N4BP2: variants seen among roughly 807,000 people sequenced by gnomAD.
The protein encoded by N4BP2 is NEDD4 binding protein 2.
Under a neutral mutation model 152.8 loss-of-function variants are expected in N4BP2, and 91 were observed. The observed-to-expected ratio is 0.60, with a 90% CI of 0.50 to 0.71. N4BP2 has a LOEUF of 0.71. Among genes scored for constraint, N4BP2 ranks in the 30% least tolerant of loss-of-function variants. The probability of loss-of-function intolerance (pLI) is 0.00; values close to 1 mark genes in which losing one functional copy is unlikely to be tolerated. For missense variants in N4BP2, 1,923 were observed against 2,059.1 expected, an observed-to-expected ratio of 0.93 and a Z score of 1.28; for synonymous variants, 646 against 705.3, an observed-to-expected ratio of 0.92 and a Z score of 1.33.
In N4BP2 at chr4:40,063,989, G is replaced by T. The variant is rs556668182; in HGVS notation, c.-212+6959G>T. On this transcript the variant is annotated intron_variant, in intron 1 of 17. Coordinates refer to ENST00000261435, the MANE Select transcript of N4BP2 (RefSeq NM_018177.6). ...AGAGATTGGTGGGGCGGCAGGGGGG[G>T]GTCTCACTATGTTGCCTAGGCTGGT... 2.6e-4 allele frequency among the ~76,000 whole-genome samples: 39 copies of T among 151,598 alleles called. No homozygotes were observed. In the South Asian group the frequency reaches 6.3e-3, roughly 24 times the overall value.
intron 13 of N4BP2, among the ~76,000 whole-genome samples, chr4:40,132,845 T>C (rs957864451): frequency 2.6e-5 from 4 of 152,044 alleles, no homozygotes; most frequent in African/African-American, 9.7e-5. Context: ...TTTTTTTTTT[T>C]TCCTTTAATG....
the N4BP2 span, among the ~76,000 whole-genome samples, chr4:40,177,650 G>A: frequency 1.3e-4 from 20 of 152,020 alleles, no homozygotes; most frequent in Admixed American, 9.2e-4. Context: ...AAAAAATAAA[G>A]ACTTCTACCT....
rs767302466 is a variant in N4BP2, at chr4:40,120,503, G to C, written c.2392G>C (p.Gly798Arg). ...TGACTGGCCAGTTGATAAGACTATT[G>C]GTCAGAGGACAAAAAGGAACAGAAA... is the stretch of plus-strand genomic sequence containing the variant. ...VGDWPVDKTI[G>R]QRTKRNRKTE... Residue 798 changes from glycine (G) to arginine (R), a missense_variant, in exon 9 of 18, where the codon GGT becomes CGT. Transcript: ENST00000261435. 3.1e-6 allele frequency: 5 copies of C among 1,613,412 alleles called. No homozygotes were observed. The African/African-American group carries it at 6.7e-5, about 22-fold the overall frequency.
At chr4:40,119,805 T>G (rs1027353348) in intron 8 of N4BP2, 127 bp from the exon 9 acceptor site, 2 of 487,632 alleles carry the variant, frequency 4.1e-6, no homozygotes, top group African/African-American at 3.9e-5. Context: ...ATAATTTTAA[T>G]GTAATTTATT....
At chr4:40,133,108 G>A (rs1719044296) in intron 13 of N4BP2, among the ~76,000 whole-genome samples, 2 of 151,642 alleles carry the variant, frequency 1.3e-5, no homozygotes, top group South Asian at 4.2e-4. Context: ...TTGGTTTATT[G>A]GTCAAAGTCT....
chr4:40,112,097 T>C lies in N4BP2; in HGVS notation c.1512T>C (p.Phe504=), dbSNP rs765420597. 6.6e-7 allele frequency: 1 copy of C among 1,519,944 alleles called. No homozygotes were observed. The highest frequency in any genetic ancestry group is 2.0e-5 in the Admixed American group (1 of 50,760). The allele number at this position is 1,519,944 out of a possible 1,614,324, so 94.2% of individuals were successfully genotyped here. The part of the protein sequence containing the change: ...EWNQNRAKEA[F]EKKISPIIID... Reference sequence around the variant, plus strand: ...TATGTTTTTCAGCAAAAGAAGCATTTGAGAAGAAGATATCTCCTATAATTA... The same window carrying C: ...TATGTTTTTCAGCAAAAGAAGCATTCGAGAAGAAGATATCTCCTATAATTA... Residue 504 remains phenylalanine (F), a synonymous_variant, in exon 6 of 18, where the codon TTT becomes TTC. Transcript: ENST00000261435.
chr4:40,142,990 TA>T (rs1180847196), intron 15 of N4BP2, 129 bp downstream of exon 15: 5 of 707,114 alleles, frequency 7.1e-6, no homozygotes, highest in Non-Finnish European at 1.2e-5. Flanking sequence ...GTAAGTGACA[TA>T]AATAAGGTAT....
chr4:40,131,203 T>C (rs923003001), intron 12 of N4BP2, among the ~76,000 whole-genome samples: 1 of 152,196 alleles, frequency 6.6e-6, no homozygotes. Flanking sequence ...CTCTCAGGTC[T>C]CAGTACCAGA....
intron 2 of N4BP2, among the ~76,000 whole-genome samples, chr4:40,075,625 T>A (rs1326656547): frequency 6.6e-6 from 1 of 152,204 alleles, no homozygotes; most frequent in East Asian, 1.9e-4. Flanking sequence ...CTGGAACTCC[T>A]GACCTTATGA....
At chr4:40,128,367 A>G (rs1718614312) in intron 12 of N4BP2, among the ~76,000 whole-genome samples, 1 of 152,142 alleles carries the variant, frequency 6.6e-6, no homozygotes, top group Admixed American at 6.5e-5. Context: ...TATTTTTTAA[A>G]TTTATCTTGG....
At chr4:40,073,791 G>C (rs1712452249) in intron 2 of N4BP2, among the ~76,000 whole-genome samples, 1 of 150,808 alleles carries the variant, frequency 6.6e-6, no homozygotes, top group East Asian at 2.0e-4. Flanking sequence ...GATGGTTTTT[G>C]TTTTTGTTTT....
chr4:40,070,132 TCAA>T (rs961658043), intron 1 of N4BP2, among the ~76,000 whole-genome samples: 43 of 152,300 alleles, frequency 2.8e-4, no homozygotes, highest in African/African-American at 8.2e-4. Flanking sequence ...CCTGCTTGAT[TCAA>T]CAATTGTTAC....
intron 2 of N4BP2, among the ~76,000 whole-genome samples, chr4:40,091,454 C>A (rs1225610074): frequency 6.6e-6 from 1 of 151,836 alleles, no homozygotes; most frequent in Non-Finnish European, 1.5e-5. Context: ...CTGGTAGTTA[C>A]CATGAATGGT....
chr4:40,089,515 C>T (rs1714329329), intron 2 of N4BP2, among the ~76,000 whole-genome samples: 1 of 145,252 alleles, frequency 6.9e-6, no homozygotes, highest in South Asian at 2.3e-4. Flanking sequence ...TGGGTCACTA[C>T]AGCCTCTGCC....
chr4:40,098,409 A>G (rs753495487), intron 3 of N4BP2, among the ~76,000 whole-genome samples: 3 of 152,172 alleles, frequency 2.0e-5, no homozygotes, highest in Admixed American at 6.5e-5. Flanking sequence ...AGTCTTCAGT[A>G]TGGTAGGTTA....
chr4:40,089,508 G>T (rs1277005660), intron 2 of N4BP2, among the ~76,000 whole-genome samples: 1 of 150,136 alleles, frequency 6.7e-6, no homozygotes, highest in African/African-American at 2.5e-5. Context: ...GCCATCTTGG[G>T]TCACTACAGC....
chr4:40,076,936 T>C (rs1188629627), intron 2 of N4BP2, among the ~76,000 whole-genome samples: 1 of 152,232 alleles, frequency 6.6e-6, no homozygotes, highest in Admixed American at 6.6e-5. Context: ...TGGTAGCTTC[T>C]CTTTCTGAGG....
At chr4:40,104,875 G>A (rs1560597675) in intron 4 of N4BP2, among the ~76,000 whole-genome samples, 1 of 151,664 alleles carries the variant, frequency 6.6e-6, no homozygotes, top group Non-Finnish European at 1.5e-5. Flanking sequence ...TGCGATCTCG[G>A]CTCACTGCAA....
intron 14 of N4BP2, among the ~76,000 whole-genome samples, chr4:40,139,828 C>T (rs189850147): frequency 4.2e-3 from 410 of 97,000 alleles, no homozygotes; most frequent in Non-Finnish European, 4.1e-3. Context: ...ATTTTTTTTT[C>T]TTTTTTTTTT....
Sources: gnomAD v4.1 joint callset for allele counts (sites outside exome capture counted in the v4.1 genomes callset) on GRCh38, gnomAD v4.1.1 for gene constraint, MANE v1.5 for transcripts, NCBI Gene and HGNC (gene_info 2026-07-23, HGNC 2026-07-21) for gene names.